The following ANKRD12 variants were observed in gnomAD, a reference collection of about 807,000 sequenced individuals.
The protein encoded by ANKRD12 is ankyrin repeat domain 12, also known as ankyrin repeat domain-containing protein 12.
Under a neutral mutation model 183.4 loss-of-function variants are expected in ANKRD12, and 85 were observed. The observed-to-expected ratio is 0.46, with a 90% CI of 0.39 to 0.56. The LOEUF is 0.56. Ranked by LOEUF, ANKRD12 falls within the 20% of genes least tolerant of loss-of-function variation. The probability of loss-of-function intolerance (pLI) is 0.00; values close to 1 mark genes in which losing one functional copy is unlikely to be tolerated. For missense variants in ANKRD12, 2,405 were observed against 2,357.1 expected (o/e 1.02, Z -0.42); for synonymous variants, 914 against 800.2 (o/e 1.14, Z -2.40).
chr18:9,160,984 C>T (rs1478546913), intron 1 of ANKRD12, among the ~76,000 whole-genome samples: 2 of 151,990 alleles, frequency 1.3e-5, no homozygotes, highest in Non-Finnish European at 2.9e-5. Flanking sequence ...GTATTTTGTT[C>T]TCCTTGGTTT....
intron 8 of ANKRD12, among the ~76,000 whole-genome samples, chr18:9,243,759 G>A (rs2037791827): frequency 6.6e-6 from 1 of 152,198 alleles, no homozygotes. Context: ...GGAAATATGA[G>A]GAAAATGGTT....
chr18:9,241,260 G>A (rs889919663), intron 8 of ANKRD12, among the ~76,000 whole-genome samples: 2 of 152,104 alleles, frequency 1.3e-5, no homozygotes, highest in African/African-American at 4.8e-5. Flanking sequence ...ATCTAGACTT[G>A]ATAGAGCATT....
In ANKRD12 at chr18:9,232,693, A is replaced by G. The variant is rs147704989; in HGVS notation, c.943+10694A>G. ...AAGTTTTCATCTGCTATTTTGATAA[A>G]TAGGTTTTTCATCCCTTTTGTTCTC... On this transcript the variant is annotated intron_variant, in intron 8 of 12. Coordinates refer to ENST00000262126, the MANE Select transcript of ANKRD12 (RefSeq NM_015208.5). Among the ~76,000 whole-genome samples the G allele has an allele frequency of 6.3e-3, 965 of 152,302 alleles. 7 individuals are homozygous for G. The highest frequency in any genetic ancestry group is 0.017 in the Middle Eastern group (5 of 294).
rs2040172770 is a variant in ANKRD12 at position 9,283,907 on chromosome 18, C to G, written c.*2781C>G. ...TCAAATCTATTTAATAATGAGAAGT[C>G]TCACAAGTGAATTTTTAAGTACAGG... On this transcript the variant is annotated 3_prime_UTR_variant, in exon 13 of 13. Transcript: ENST00000262126. 1 of 152,230 alleles carries G rather than the reference C, an allele frequency of 6.6e-6. No homozygotes were observed. Among genetic ancestry groups the G allele is most frequent in the African/African-American group, 2.4e-5 (1 of 41,428 alleles). The allele number at this position is 152,230 out of a possible 1,614,324, so 9.4% of individuals were successfully genotyped here. A position where few individuals can be genotyped will look rare whatever the true frequency, so the allele number is the denominator to read the frequency against.
intron 10 of ANKRD12, among the ~76,000 whole-genome samples, chr18:9,267,051 CA>C (rs2039333046): frequency 6.6e-6 from 1 of 152,072 alleles, no homozygotes; most frequent in South Asian, 2.1e-4. Context: ...GGGATCAATT[CA>C]ACAAGAAGAG....
chr18:9,155,482 C>T (rs2030266955), intron 1 of ANKRD12, among the ~76,000 whole-genome samples: 1 of 152,104 alleles, frequency 6.6e-6, no homozygotes, highest in Non-Finnish European at 1.5e-5. Flanking sequence ...AGGATAATCC[C>T]AGAAGTAGAA....
At chr18:9,268,968 T>C (rs907298508) in intron 10 of ANKRD12, among the ~76,000 whole-genome samples, 5 of 152,304 alleles carry the variant, frequency 3.3e-5, no homozygotes, top group Admixed American at 2.6e-4. Flanking sequence ...AGCATTCTTA[T>C]ACACCAATAA....
chr18:9,252,784 T>C (rs1333351722), intron 8 of ANKRD12, among the ~76,000 whole-genome samples: 1 of 152,200 alleles, frequency 6.6e-6, no homozygotes, highest in Non-Finnish European at 1.5e-5. Context: ...GGGCAATTTG[T>C]GAAACTCCGT....
At chr18:9,233,317 G>A (rs1431433881) in intron 8 of ANKRD12, among the ~76,000 whole-genome samples, 2 of 151,812 alleles carry the variant, frequency 1.3e-5, no homozygotes, top group African/African-American at 4.8e-5. Flanking sequence ...TTCCTATCTT[G>A]AATGGTTTTT....
intron 1 of ANKRD12, among the ~76,000 whole-genome samples, chr18:9,157,558 T>TGG (rs1323248185): frequency 7.8e-4 from 83 of 105,846 alleles, no homozygotes; most frequent in African/African-American, 4.1e-3. Flanking sequence ...TGGGTGTGTG[T>TGG]GTGTGTGTGT....
At chr18:9,276,095 T>C (rs553397095) in intron 11 of ANKRD12, among the ~76,000 whole-genome samples, 1 of 152,336 alleles carries the variant, frequency 6.6e-6, no homozygotes, top group Non-Finnish European at 1.5e-5. Flanking sequence ...GTGGAATACA[T>C]GAACTGTGGA....
chr18:9,277,049 A>G (rs2039874242), intron 11 of ANKRD12, among the ~76,000 whole-genome samples: 1 of 152,234 alleles, frequency 6.6e-6, no homozygotes. Context: ...GAGGTTTATA[A>G]TCGAGCTACA....
Position 9,208,814 on chromosome 18 carries a change from C to A in ANKRD12, c.451+11C>A. ...GAGACAACAGTCCAGGTGATACCTA[C>A]CATCATTGAGTTAATGTGTATCCCT... On this transcript the variant is annotated intron_variant, in intron 5 of 12. Transcript: ENST00000262126. 1 of 1,538,398 alleles carries A rather than the reference C, an allele frequency of 6.5e-7. No homozygotes were observed. The highest frequency in any genetic ancestry group is 8.8e-7 in the Non-Finnish European group (1 of 1,141,232).
chr18:9,172,027 A>G (rs78676933), intron 1 of ANKRD12, among the ~76,000 whole-genome samples: 1 of 149,726 alleles, frequency 6.7e-6, no homozygotes, highest in Non-Finnish European at 1.5e-5. Flanking sequence ...CTCCACCTCA[A>G]AAAAAAAAAA....
intron 2 of ANKRD12, among the ~76,000 whole-genome samples, 169 bp downstream of exon 2, chr18:9,182,688 AT>A (rs1460978732): frequency 6.6e-6 from 1 of 152,242 alleles, no homozygotes; most frequent in Non-Finnish European, 1.5e-5. Flanking sequence ...GTGATTGTTT[AT>A]CATTCCTTAA....
intron 1 of ANKRD12, among the ~76,000 whole-genome samples, chr18:9,163,831 C>T (rs961602165): frequency 4.3e-4 from 66 of 152,098 alleles, no homozygotes; most frequent in African/African-American, 1.4e-3. Context: ...GCTCTGCTTG[C>T]CTGTTGTTGC....
At chr18:9,178,915 A>G (rs1398490382) in intron 1 of ANKRD12, among the ~76,000 whole-genome samples, 1 of 152,086 alleles carries the variant, frequency 6.6e-6, no homozygotes, top group Admixed American at 6.5e-5. Context: ...ATGCTATCAT[A>G]GGTTATATTT....
chr18:9,272,879 T>G (rs764270917), intron 10 of ANKRD12, among the ~76,000 whole-genome samples: 2 of 152,206 alleles, frequency 1.3e-5, no homozygotes, highest in Non-Finnish European at 2.9e-5. Context: ...TAATACATTT[T>G]TGGATATAAT....
chr18:9,175,501 G>A (rs2033178583), intron 1 of ANKRD12, among the ~76,000 whole-genome samples: 1 of 108,380 alleles, frequency 9.2e-6, no homozygotes, highest in African/African-American at 3.3e-5. Flanking sequence ...TTGATCACTT[G>A]ATCAGTTTTT....
Sources: allele counts gnomAD v4.1 joint callset (sites outside exome capture counted in the v4.1 genomes callset), GRCh38; gene constraint gnomAD v4.1.1; transcripts MANE v1.5; gene names NCBI Gene and HGNC (gene_info 2026-07-23, HGNC 2026-07-21).